The following HCK variants were observed in gnomAD, a reference collection of about 807,000 sequenced individuals.
HCK encodes HCK proto-oncogene, Src family tyrosine kinase, also known as tyrosine-protein kinase HCK.
A neutral mutation model predicts 70.4 loss-of-function variants in HCK; 40 were observed. The ratio of observed to expected loss-of-function variants is 0.57; its 90% CI spans 0.44 to 0.74. HCK has a LOEUF of 0.74. Among genes scored for constraint, HCK ranks in the 30% least tolerant of loss-of-function variants. The probability of loss-of-function intolerance (pLI) is 0.00; values close to 1 mark genes in which losing one functional copy is unlikely to be tolerated. For missense variants in HCK, 568 were observed against 697.2 expected, an observed-to-expected ratio of 0.81 and a Z score of 2.09; for synonymous variants, 245 against 263.2, an observed-to-expected ratio of 0.93 and a Z score of 0.67.
chr20:32,063,591 G>C (rs2122492742), intron 1 of HCK, among the ~76,000 whole-genome samples: 1 of 152,166 alleles, frequency 6.6e-6, no homozygotes, highest in South Asian at 2.1e-4. Context: ...AGTGCCATCA[G>C]CTTAATGAGG....
At chr20:32,094,764 GGAAA>G (rs1418951497) in intron 11 of HCK, among the ~76,000 whole-genome samples, 5 of 68,414 alleles carry the variant, frequency 7.3e-5, no homozygotes, top group East Asian at 4.0e-4. Flanking sequence ...AAAGAAAGAA[GGAAA>G]GAAAGAAAGA....
chr20:32,094,087 T>A, intron 11 of HCK, 71 bp downstream of exon 11: 1 of 1,435,000 alleles, frequency 7.0e-7, no homozygotes, highest in Non-Finnish European at 9.6e-7. Context: ...TTGATACTTG[T>A]GAGAGCGATT....
intron 6 of HCK, 58 bp downstream of exon 6, chr20:32,079,935 C>A (rs2045686309): frequency 8.1e-7 from 1 of 1,238,082 alleles, no homozygotes; most frequent in Non-Finnish European, 1.2e-6. Context: ...CTGGGGCTGG[C>A]CACCACCCTT....
At chr20:32,095,950 C>T (rs946924432) in intron 11 of HCK, among the ~76,000 whole-genome samples, 3 of 151,482 alleles carry the variant, frequency 2.0e-5, no homozygotes, top group East Asian at 4.0e-4. Flanking sequence ...AGTGCATTGG[C>T]GCCATCTCAG....
chr20:32,088,687 G>A lies in HCK; in HGVS notation c.1092+43G>A, dbSNP rs531739593. 1.8e-4 allele frequency: 276 copies of A among 1,511,244 alleles called. 4 individuals are homozygous for A. The South Asian group carries it at 2.8e-3, about 15-fold the overall frequency. The allele number at this position is 1,511,244 out of a possible 1,614,324, so 93.6% of individuals were successfully genotyped here. A position where few individuals can be genotyped will look rare whatever the true frequency, so the allele number is the denominator to read the frequency against. On this transcript the variant is annotated intron_variant, in intron 10 of 12. Transcript: ENST00000375852. ...AAACGGGGAAGGGAAACAGGAATTC[G>A]ATTTTTTTACTTGCCAAATATTTAC...
At chr20:32,094,823 AAGAAAGAAAGAAAG>A (rs1206567950) in intron 11 of HCK, among the ~76,000 whole-genome samples, 3 of 148,862 alleles carry the variant, frequency 2.0e-5, no homozygotes, top group Admixed American at 6.7e-5. Flanking sequence ...GAAAGAAAGA[AAGAAAGAAAGAAAG>A]AAAGAAAGAA....
At chr20:32,058,635 CACACAT>C (rs1600703851) in intron 1 of HCK, among the ~76,000 whole-genome samples, 3 of 151,404 alleles carry the variant, frequency 2.0e-5, no homozygotes, top group African/African-American at 4.9e-5. Context: ...CACACACACA[CACACAT>C]ACACACACTA....
intron 1 of HCK, among the ~76,000 whole-genome samples, chr20:32,068,572 T>A (rs1459509274): frequency 6.6e-6 from 1 of 152,080 alleles, no homozygotes; most frequent in African/African-American, 2.4e-5. Context: ...GTTCTCTCAT[T>A]TAGGGAGACA....
In HCK at chr20:32,070,597, T is replaced by C. The variant is rs146651984; in HGVS notation, c.63-1065T>C. On this transcript the variant is annotated intron_variant, in intron 1 of 12. Coordinates refer to ENST00000375852, the MANE Select transcript of HCK (RefSeq NM_002110.5). ...CTTTCTCTGACAGGCCTTCCCCAAA[T>C]GCCCTGCCTAAAAGAGCCAGACCTG... Among the ~76,000 whole-genome samples, 494 of 152,222 alleles carry C rather than the reference T, an allele frequency of 3.2e-3. 2 individuals carry two copies. The highest frequency in any genetic ancestry group is 0.011 in the African/African-American group (465 of 41,540).
chr20:32,061,011 T>C (rs552994331), intron 1 of HCK, among the ~76,000 whole-genome samples: 24 of 151,982 alleles, frequency 1.6e-4, no homozygotes, highest in Non-Finnish European at 2.5e-4. Flanking sequence ...TGAGACAGAG[T>C]CTTGCTCTGT....
chr20:32,062,704 A>G (rs1413495340), intron 1 of HCK, among the ~76,000 whole-genome samples: 1 of 152,196 alleles, frequency 6.6e-6, no homozygotes, highest in African/African-American at 2.4e-5. Context: ...GCTGAGGCTC[A>G]GTAAAGGGAA....
intron 5 of HCK, among the ~76,000 whole-genome samples, chr20:32,076,326 C>CA (rs201319909): frequency 0.015 from 2,236 of 149,872 alleles, 44 homozygotes; most frequent in African/African-American, 0.049. Flanking sequence ...GATACTCTGT[C>CA]AAAAAAAAAC....
intron 11 of HCK, 28 bp downstream of exon 11, chr20:32,094,044 G>A (rs752794859): frequency 1.2e-4 from 192 of 1,599,760 alleles, no homozygotes; most frequent in Middle Eastern, 3.3e-4. Context: ...GCAGCCCCAC[G>A]TTGCCCATTT....
chr20:32,052,583 G>A, intron 1 of HCK, 97 bp downstream of exon 1: 4 of 903,596 alleles, frequency 4.4e-6, no homozygotes, highest in Non-Finnish European at 5.9e-6. Context: ...GGCTACGGGT[G>A]CGGCTGGGGG....
chr20:32,095,529 T>C lies in HCK; in HGVS notation c.1246+1513T>C, dbSNP rs76170030. Among the ~76,000 whole-genome samples the C allele has an allele frequency of 2.0e-5, 3 of 152,126 alleles. No homozygotes were observed. The East Asian group carries it at 5.8e-4, about 29-fold the overall frequency. On this transcript the variant is annotated intron_variant, in intron 11 of 12. Transcript: ENST00000375852. ...GCCTTGGCCTCCCAAACTGCTGGGA[T>C]TACAGGTGTGAGCCACCATGCCCGG...
intron 12 of HCK, 52 bp from the exon 13 acceptor site, chr20:32,101,265 G>A: frequency 6.4e-7 from 1 of 1,555,990 alleles, no homozygotes; most frequent in Admixed American, 1.8e-5. Flanking sequence ...TGCCACCCCT[G>A]GGCTCTCATT....
At chr20:32,095,731 T>A (rs2045945695) in intron 11 of HCK, among the ~76,000 whole-genome samples, 1 of 152,192 alleles carries the variant, frequency 6.6e-6, no homozygotes, top group Admixed American at 6.5e-5. Context: ...ATTATACACT[T>A]TAAATGGGTG....
intron 12 of HCK, 101 bp downstream of exon 12, chr20:32,099,236 C>A: frequency 8.2e-7 from 1 of 1,221,862 alleles, no homozygotes; most frequent in Non-Finnish European, 1.2e-6. Context: ...TGATCCTCAC[C>A]CCCAACCTTC....
At position 32,068,071 on chromosome 20, in the gene HCK, C is replaced by T. The variant is rs373021851; in HGVS notation, c.63-3591C>T. Among the ~76,000 whole-genome samples, 14 of 151,928 alleles carry T rather than the reference C, an allele frequency of 9.2e-5. No homozygotes were observed. In the East Asian group the frequency reaches 9.7e-4, roughly 11 times the overall value. On this transcript the variant is annotated intron_variant, in intron 1 of 12. Transcript: ENST00000375852. Reference sequence around the variant, plus strand: ...CAGTACTTTGGGAGGCCAAGGAGGACGGATCACCTGAGGTTGGGAGTTCAA... The same window carrying T: ...CAGTACTTTGGGAGGCCAAGGAGGATGGATCACCTGAGGTTGGGAGTTCAA...
Sources: gnomAD v4.1 joint callset for allele counts (sites outside exome capture counted in the v4.1 genomes callset) on GRCh38, gnomAD v4.1.1 for gene constraint, MANE v1.5 for transcripts, NCBI Gene and HGNC (gene_info 2026-07-23, HGNC 2026-07-21) for gene names.